The following NAA25 variants were observed in gnomAD, a reference collection of about 807,000 sequenced individuals.
The protein encoded by NAA25 is N-terminal acetyltransferase B complex subunit NAA25.
NAA25 carries 30 observed loss-of-function variants against 132.5 expected under a neutral mutation model. The ratio of observed to expected loss-of-function variants is 0.23; its 90% CI spans 0.17 to 0.31. The LOEUF (loss-of-function observed/expected upper bound fraction) is 0.31, where lower values mean the gene tolerates loss of function less well. Among genes scored for constraint, NAA25 ranks in the 10% least tolerant of loss-of-function variants. The pLI is 1.00. For synonymous variants in NAA25, 359 were observed against 401.9 expected (o/e 0.89, Z 1.28); for missense variants, 771 against 1,150.4 (o/e 0.67, Z 4.77).
At position 112,106,094 on chromosome 12, in the gene NAA25, T is replaced by C. The variant is rs143813682; in HGVS notation, c.58+2622A>G. On this transcript the variant is annotated intron_variant, in intron 1 of 23. Transcript: ENST00000261745. The stretch of plus-strand genomic sequence containing the variant: ...TGAATTCACGGACAGTCTGTACCGT[T>C]CTTTTCCTAGTCCTGCCAGTTTATA... Among the ~76,000 whole-genome samples, 112 of 152,348 alleles carry C rather than the reference T, an allele frequency of 7.4e-4. 1 individual carries two copies. The East Asian group carries it at 0.019, about 26-fold the overall frequency.
chr12:112,104,320 C>G (rs2079332606), intron 1 of NAA25, among the ~76,000 whole-genome samples: 1 of 151,968 alleles, frequency 6.6e-6, no homozygotes, highest in African/African-American at 2.4e-5. Context: ...TTCCCATATT[C>G]TATACAAATT....
chr12:112,102,929 C>G (rs979782000), intron 1 of NAA25, among the ~76,000 whole-genome samples: 2 of 152,148 alleles, frequency 1.3e-5, no homozygotes, highest in African/African-American at 4.8e-5. Context: ...ACCTCATGAT[C>G]CGCCGGCCTC....
At chr12:112,068,762 A>G in intron 11 of NAA25, 118 bp downstream of exon 11, 2 of 606,068 alleles carry the variant, frequency 3.3e-6, no homozygotes, top group East Asian at 2.7e-5. Flanking sequence ...CAGGGCAGTT[A>G]TCATTGTATC....
At chr12:112,041,516 A>T (rs1399586702) in intron 20 of NAA25, among the ~76,000 whole-genome samples, 2 of 152,148 alleles carry the variant, frequency 1.3e-5, no homozygotes, top group Non-Finnish European at 2.9e-5. Context: ...TACAAGATGC[A>T]TATATGTGCC....
At chr12:112,045,129 C>G (rs987184240) in intron 17 of NAA25, among the ~76,000 whole-genome samples, 1 of 152,126 alleles carries the variant, frequency 6.6e-6, no homozygotes, top group Non-Finnish European at 1.5e-5. Flanking sequence ...CCAATACTCA[C>G]AGTATTATCA....
chr12:112,100,614 CTTTTTTTTT>C (rs71083200), intron 1 of NAA25, among the ~76,000 whole-genome samples: 4 of 100,622 alleles, frequency 4.0e-5, no homozygotes, highest in African/African-American at 8.1e-5. Context: ...ATTCCATTGT[CTTTTTTTTT>C]TTTTTTTTTT....
chr12:112,061,048 T>C, intron 12 of NAA25, 133 bp downstream of exon 12: 2 of 666,544 alleles, frequency 3.0e-6, no homozygotes, highest in Middle Eastern at 4.1e-4. Context: ...TCATATTACT[T>C]AGATGGTCTT....
At chr12:112,037,712 C>T (rs1174835858) in intron 22 of NAA25, 1 of 145,882 alleles carries the variant, frequency 6.9e-6, no homozygotes, top group Non-Finnish European at 1.5e-5. Context: ...AATTATGGGA[C>T]ACAACAACAT....
At chr12:112,085,006 T>A (rs879724636) in intron 4 of NAA25, among the ~76,000 whole-genome samples, 8 of 151,044 alleles carry the variant, frequency 5.3e-5, no homozygotes, top group Non-Finnish European at 1.2e-4. Context: ...CTGAGGCAGG[T>A]GGGTCAAGAG....
intron 15 of NAA25, among the ~76,000 whole-genome samples, chr12:112,050,038 CACTTT>C (rs1349761167): frequency 6.8e-6 from 1 of 146,238 alleles, no homozygotes; most frequent in Non-Finnish European, 1.5e-5. Context: ...CGTGGAACAC[CACTTT>C]ATTTAAAAAA....
At chr12:112,083,546 C>G (rs938210704) in intron 4 of NAA25, among the ~76,000 whole-genome samples, 1 of 151,736 alleles carries the variant, frequency 6.6e-6, no homozygotes, top group African/African-American at 2.4e-5. Context: ...AAAAAAGATA[C>G]AGCAGCGGCA....
chr12:112,083,363 G>A (rs1299220298), intron 4 of NAA25, among the ~76,000 whole-genome samples: 1 of 152,078 alleles, frequency 6.6e-6, no homozygotes, highest in Non-Finnish European at 1.5e-5. Flanking sequence ...AAATTAACTG[G>A]GCGTGGTGGT....
At chr12:112,107,417 A>G (rs1422698361) in intron 1 of NAA25, among the ~76,000 whole-genome samples, 1 of 151,632 alleles carries the variant, frequency 6.6e-6, no homozygotes, top group Non-Finnish European at 1.5e-5. Flanking sequence ...TAAAGGGTTC[A>G]GGGGCAGGAA....
At chr12:112,030,386 A>C (rs1041327193) in intron 23 of NAA25, among the ~76,000 whole-genome samples, 2 of 152,122 alleles carry the variant, frequency 1.3e-5, no homozygotes, top group Non-Finnish European at 2.9e-5. Flanking sequence ...CATCAGAAAA[A>C]AGTAGAAATT....
At chr12:112,084,596 C>T (rs2079018006) in intron 4 of NAA25, among the ~76,000 whole-genome samples, 1 of 151,596 alleles carries the variant, frequency 6.6e-6, no homozygotes, top group Admixed American at 6.6e-5. Context: ...CGAGACCAGC[C>T]TGGCCAGCAT....
intron 21 of NAA25, 177 bp from the exon 22 acceptor site, chr12:112,039,516 C>G: frequency 2.0e-6 from 1 of 498,896 alleles, no homozygotes; most frequent in Non-Finnish European, 3.5e-6. Context: ...AGGCCTTCAT[C>G]ATCTCCTGCT....
chr12:112,063,101 A>T (rs2078661895), intron 11 of NAA25, among the ~76,000 whole-genome samples: 1 of 152,018 alleles, frequency 6.6e-6, no homozygotes, highest in South Asian at 2.1e-4. Flanking sequence ...GAAATGAGAG[A>T]TGACAGCAAA....
intron 10 of NAA25, 70 bp downstream of exon 10, chr12:112,071,825 T>TCGGTGGTCGCCGTA: frequency 7.9e-7 from 1 of 1,272,098 alleles, no homozygotes; most frequent in South Asian, 1.5e-5. Context: ...AGTGTAGATC[T>TCGGTGGTCGCCGTA]CAACTAATGA....
In NAA25 at chr12:112,048,408, A is replaced by T; in HGVS notation, c.1764T>A (p.Gly588=). The T allele has an allele frequency of 6.2e-7, 1 of 1,613,926 alleles. No homozygotes were observed. Residue 588 remains glycine, a synonymous_variant, in exon 16 of 24, where the codon GGT becomes GGA. Coordinates refer to ENST00000261745, the MANE Select transcript of NAA25 (RefSeq NM_024953.4). The part of the protein sequence containing the change: ...SEYIIQAYKY[G]AFEKIPEFIA... ...TAAACTCTGGGATCTTCTCAAATGCACCATATTTGTAAGCTTGAATAATAT... is the reference window on the plus strand; with the variant it reads ...TAAACTCTGGGATCTTCTCAAATGCTCCATATTTGTAAGCTTGAATAATAT...
Sources: gnomAD v4.1 joint callset for allele counts (sites outside exome capture counted in the v4.1 genomes callset) on GRCh38, gnomAD v4.1.1 for gene constraint, MANE v1.5 for transcripts, NCBI Gene and HGNC (gene_info 2026-07-23, HGNC 2026-07-21) for gene names.